The following KIAA0825 variants were observed in gnomAD, a reference collection of about 807,000 sequenced individuals.
KIAA0825 encodes the protein uncharacterized protein KIAA0825.
Under a neutral mutation model 147.6 loss-of-function variants are expected in KIAA0825, and 119 were observed. The ratio of observed to expected loss-of-function variants is 0.81; its 90% confidence interval spans 0.69 to 0.94. The LOEUF (loss-of-function observed/expected upper bound fraction) is 0.94, where lower values mean the gene tolerates loss of function less well. KIAA0825 is among the 40% of genes least tolerant of loss of function. The probability of loss-of-function intolerance (pLI) is 0.00; values close to 1 mark genes in which losing one functional copy is unlikely to be tolerated. For synonymous variants in KIAA0825, 470 were observed against 518.1 expected (o/e 0.91, Z 1.26); for missense variants, 1,381 against 1,472.7 (o/e 0.94, Z 1.02).
chr5:94,447,367 A>C (rs1447931906), intron 13 of KIAA0825, among the ~76,000 whole-genome samples: 1 of 152,120 alleles, frequency 6.6e-6, no homozygotes, highest in Non-Finnish European at 1.5e-5. Context: ...AAAGTATATG[A>C]ACCTGCAAAG....
chr5:94,514,806 T>A (rs1766975660), intron 5 of KIAA0825, among the ~76,000 whole-genome samples: 1 of 152,196 alleles, frequency 6.6e-6, no homozygotes, highest in African/African-American at 2.4e-5. Context: ...TCTCTTTGGT[T>A]TGAGGGCCTT....
intron 20 of KIAA0825, among the ~76,000 whole-genome samples, chr5:94,195,005 AT>A (rs1771002281): frequency 6.6e-6 from 1 of 152,200 alleles, no homozygotes; most frequent in South Asian, 2.1e-4. Flanking sequence ...TATTCTCCAG[AT>A]TAGAGATAAC....
At chr5:94,542,947 G>A (rs1773624067) in intron 2 of KIAA0825, among the ~76,000 whole-genome samples, 1 of 152,218 alleles carries the variant, frequency 6.6e-6, no homozygotes, top group African/African-American at 2.4e-5. Flanking sequence ...GACTTGTAAA[G>A]CCAATAAAAG....
rs1315166337 is a variant in KIAA0825, at chr5:94,202,897, T to A, written c.3711-48773A>T. Among the ~76,000 whole-genome samples, 9 of 152,188 alleles carry A rather than the reference T, an allele frequency of 5.9e-5. 2 individuals are homozygous for A. Among genetic ancestry groups the A allele is most frequent in the Non-Finnish European group, 1.3e-4 (9 of 68,034 alleles). On this transcript the variant is annotated intron_variant, in intron 20 of 20. Coordinates refer to ENST00000682413, the MANE Select transcript of KIAA0825 (RefSeq NM_001145678.3). ...CTATTGATTATTCTTTCTCAGAGCC[T>A]TTTGTTCTGAGATGGTGATTTTCAA... is the stretch of plus-strand genomic sequence containing the variant.
rs1244117059 is a variant in KIAA0825, at chr5:94,153,938, A to G, written c.*69T>C. 3 of 1,046,572 alleles carry G rather than the reference A, an allele frequency of 2.9e-6. No individual in the cohort carries two copies. The highest frequency in any genetic ancestry group is 2.0e-4 in the Middle Eastern group (1 of 4,946). The allele number at this position is 1,046,572 out of a possible 1,614,324, so 64.8% of individuals were successfully genotyped here. ...AGCACATATGAGGTTCATTCTGACT[A>G]TGGTAAAAAATCCTACTCCATTACA... On this transcript the variant is annotated 3_prime_UTR_variant, in exon 21 of 21. Coordinates refer to ENST00000682413, the MANE Select transcript of KIAA0825 (RefSeq NM_001145678.3).
intron 20 of KIAA0825, among the ~76,000 whole-genome samples, chr5:94,223,033 A>C (rs527821402): frequency 1.2e-3 from 182 of 152,326 alleles, no homozygotes; most frequent in Middle Eastern, 6.8e-3. Flanking sequence ...TGCTGTACTT[A>C]GATCTAGACT....
At chr5:94,280,400 T>A (rs1777406094) in intron 20 of KIAA0825, among the ~76,000 whole-genome samples, 1 of 152,080 alleles carries the variant, frequency 6.6e-6, no homozygotes, top group Admixed American at 6.6e-5. Context: ...CAGCTCTAAT[T>A]TTTTACATGG....
chr5:94,549,570 G>A (rs550221241), intron 2 of KIAA0825, among the ~76,000 whole-genome samples: 22 of 152,128 alleles, frequency 1.4e-4, no homozygotes, highest in Non-Finnish European at 2.6e-4. Flanking sequence ...AAAATTAGCC[G>A]GATGTGGTGG....
chr5:94,268,370 T>C (rs1234156648), intron 20 of KIAA0825, among the ~76,000 whole-genome samples: 3 of 152,018 alleles, frequency 2.0e-5, no homozygotes, highest in Non-Finnish European at 4.4e-5. Context: ...GGCAGCAGAA[T>C]ACACAAGCAG....
intron 5 of KIAA0825, among the ~76,000 whole-genome samples, chr5:94,515,706 C>T (rs141328381): frequency 6.7e-6 from 1 of 150,328 alleles, no homozygotes; most frequent in East Asian, 1.9e-4. Flanking sequence ...GCAAGAGAAT[C>T]GCTTGAACCC....
At position 94,524,097 on chromosome 5, in the gene KIAA0825, T is replaced by G. The variant is rs778165468; in HGVS notation, c.133A>C (p.Ile45Leu). Residue 45 changes from isoleucine (I) to leucine (L), a missense_variant and splice_region_variant, in exon 4 of 21, where the codon ATA (isoleucine) becomes CTA (leucine). By Grantham distance (5) the Ile-to-Leu change is conservative. Transcript: ENST00000682413. ...DEKIEQNAAS[I>L]KHCIKEIQSE... ...TGTATCTCTTTAATGCAATGTTTTA[T>G]GCTATAAAAAACAGAAGAAAAAGTT... 1 of 1,596,098 alleles carries G rather than the reference T, an allele frequency of 6.3e-7. No individual in the cohort carries two copies. Among genetic ancestry groups the G allele is most frequent in the Admixed American group, 1.7e-5 (1 of 57,168 alleles).
At chr5:94,364,444 C>T (rs1463469144) in intron 20 of KIAA0825, among the ~76,000 whole-genome samples, 5 of 151,838 alleles carry the variant, frequency 3.3e-5, no homozygotes, top group South Asian at 4.2e-4. Context: ...TGCAGTGACA[C>T]GATCTCGGCT....
chr5:94,380,102 C>T (rs1010806944), intron 20 of KIAA0825, among the ~76,000 whole-genome samples: 5 of 152,064 alleles, frequency 3.3e-5, no homozygotes, highest in Non-Finnish European at 7.4e-5. Flanking sequence ...ATCCACCCGC[C>T]TCAGCCTCCC....
At chr5:94,265,507 T>A (rs1776704071) in intron 20 of KIAA0825, among the ~76,000 whole-genome samples, 1 of 152,158 alleles carries the variant, frequency 6.6e-6, no homozygotes, top group Admixed American at 6.6e-5. Context: ...ATATTAATAC[T>A]TAAAAAATAG....
At chr5:94,193,993 G>A (rs1770904010) in intron 20 of KIAA0825, among the ~76,000 whole-genome samples, 1 of 152,192 alleles carries the variant, frequency 6.6e-6, no homozygotes, top group Non-Finnish European at 1.5e-5. Flanking sequence ...GGAGGCAGGA[G>A]ATAGGGAAGA....
In KIAA0825 at chr5:94,473,464, A is replaced by G. The variant is rs1255319257; in HGVS notation, c.1283T>C (p.Met428Thr). 6.4e-7 allele frequency: 1 copy of G among 1,551,822 alleles called. No homozygotes were observed. Among genetic ancestry groups the G allele is most frequent in the South Asian group, 1.2e-5 (1 of 84,062 alleles). ...RSAFKEVSLP[M>T]AHCVVTAIEG... is the part of the protein sequence containing the mutation. The stretch of plus-strand genomic sequence containing the variant: ...AATTGCAGTTACTACGCAGTGCGCC[A>G]TGGGAAGAGACACTTCTTTAAATGC... Residue 428 changes from methionine to threonine, a missense_variant, in exon 8 of 21, where the codon ATG becomes ACG. Met to Thr is a moderately conservative substitution (Grantham distance 81, BLOSUM62 -1). Coordinates refer to ENST00000682413, the MANE Select transcript of KIAA0825 (RefSeq NM_001145678.3).
chr5:94,157,952 A>G (rs73773568), intron 20 of KIAA0825, among the ~76,000 whole-genome samples: 2,795 of 152,300 alleles, frequency 0.018, 91 homozygotes, highest in African/African-American at 0.063. Flanking sequence ...AACACCAGAC[A>G]GATGAGGAGG....
intron 5 of KIAA0825, among the ~76,000 whole-genome samples, chr5:94,492,525 C>G (rs908053775): frequency 2.6e-5 from 4 of 152,186 alleles, no homozygotes; most frequent in African/African-American, 9.7e-5. Context: ...AAAGTTGTCT[C>G]TTAAACTTTA....
chr5:94,537,495 C>T (rs1306718818), intron 2 of KIAA0825, among the ~76,000 whole-genome samples: 1 of 151,800 alleles, frequency 6.6e-6, no homozygotes, highest in Admixed American at 6.6e-5. Flanking sequence ...ACTAAATGTA[C>T]AAAAAACTAG....
Sources: allele counts gnomAD v4.1 joint callset (sites outside exome capture counted in the v4.1 genomes callset), GRCh38; gene constraint gnomAD v4.1.1; transcripts MANE v1.5; gene names NCBI Gene and HGNC (gene_info 2026-07-23, HGNC 2026-07-21).